SCAMP1: variants seen among roughly 807,000 people sequenced by gnomAD.
SCAMP1 encodes secretory carrier membrane protein 1, also known as secretory carrier-associated membrane protein 1.
Under a neutral mutation model 41.8 loss-of-function variants are expected in SCAMP1, and 15 were observed. The ratio of observed to expected loss-of-function variants is 0.36; its 90% CI spans 0.24 to 0.55. The LOEUF (loss-of-function observed/expected upper bound fraction) is 0.55, where lower values mean the gene tolerates loss of function less well. Among genes scored for constraint, SCAMP1 ranks in the 20% least tolerant of loss-of-function variants. SCAMP1 has a pLI of 0.86. For missense variants in SCAMP1, 341 were observed against 412.6 expected, an observed-to-expected ratio of 0.83 and a Z score of 1.50; for synonymous variants, 135 against 136.8, an observed-to-expected ratio of 0.99 and a Z score of 0.09.
chr5:78,392,998 C>G (rs1389411250), intron 2 of SCAMP1, among the ~76,000 whole-genome samples: 1 of 152,188 alleles, frequency 6.6e-6, no homozygotes, highest in African/African-American at 2.4e-5. Flanking sequence ...TACTTGAGGT[C>G]AAGAAGGAAG....
chr5:78,427,480 A>T (rs371772648), intron 6 of SCAMP1, among the ~76,000 whole-genome samples: 4 of 152,294 alleles, frequency 2.6e-5, no homozygotes, highest in South Asian at 4.1e-4. Context: ...AACAGCGTGT[A>T]CAAGTCTGTC....
At chr5:78,410,258 C>G (rs1752042462) in intron 2 of SCAMP1, among the ~76,000 whole-genome samples, 1 of 151,918 alleles carries the variant, frequency 6.6e-6, no homozygotes, top group African/African-American at 2.4e-5. Flanking sequence ...CATTCACTAA[C>G]TATTCTTCCT....
chr5:78,360,876 C>A, intron 1 of SCAMP1, 148 bp downstream of exon 1: 1 of 726,558 alleles, frequency 1.4e-6, no homozygotes, highest in South Asian at 1.7e-5. Flanking sequence ...CATTTGGGGT[C>A]GCGCCCCGGC....
rs528720263 is a variant in SCAMP1, at chr5:78,405,392, T to G, written c.136-10128T>G. On this transcript the variant is annotated intron_variant, in intron 2 of 8. Coordinates refer to ENST00000621999, the MANE Select transcript of SCAMP1 (RefSeq NM_004866.6). ...CATATTCCATGCATTCTCCTGACTT[T>G]GCACTGGTTGTCACCTCTGCTTAAA... Among the ~76,000 whole-genome samples the G allele has an allele frequency of 2.0e-5, 3 of 152,334 alleles. No individual in the cohort carries two copies. In the East Asian group the frequency reaches 5.8e-4, roughly 29 times the overall value.
intron 2 of SCAMP1, among the ~76,000 whole-genome samples, chr5:78,393,393 A>AGTG (rs1751567373): frequency 6.6e-6 from 1 of 152,122 alleles, no homozygotes. Context: ...GCTGGTCTCA[A>AGTG]ACTCCTGGCC....
At chr5:78,447,691 C>T (rs1753085782) in intron 6 of SCAMP1, among the ~76,000 whole-genome samples, 1 of 152,094 alleles carries the variant, frequency 6.6e-6, no homozygotes, top group Non-Finnish European at 1.5e-5. Context: ...TTGGCTTTGG[C>T]AGATTTCTCA....
Position 78,360,988 on chromosome 5 carries a change from C to T in SCAMP1, c.57+260C>T, listed in dbSNP as rs1221801392. ...CCCCGACTGGTGAGGGTCGTGTCTGCAGCCGGGACTGGGCCCGCGCGCCCG... is the reference window on the plus strand; with the variant it reads ...CCCCGACTGGTGAGGGTCGTGTCTGTAGCCGGGACTGGGCCCGCGCGCCCG... On this transcript the variant is annotated intron_variant, in intron 1 of 8. Coordinates refer to ENST00000621999, the MANE Select transcript of SCAMP1 (RefSeq NM_004866.6). 8.5e-5 allele frequency: 39 copies of T among 458,566 alleles called. No individual in the cohort carries two copies. The East Asian group carries it at 1.6e-3, about 18-fold the overall frequency. The allele number at this position is 458,566 out of a possible 1,614,324, so 28.4% of individuals were successfully genotyped here.
rs1195946709 is a variant in SCAMP1, at chr5:78,388,613, GA to G, written c.58-222del. On this transcript the variant is annotated intron_variant, in intron 1 of 8. Coordinates refer to ENST00000621999, the MANE Select transcript of SCAMP1 (RefSeq NM_004866.6). ...TGATGTAATAGCTTGCAGCTGATTTGAATCTAACTCAGTTTTTGTTTTCCTT... is the reference window on the plus strand; with the variant it reads ...TGATGTAATAGCTTGCAGCTGATTTGATCTAACTCAGTTTTTGTTTTCCTT... Among the ~76,000 whole-genome samples the G allele has an allele frequency of 3.3e-5, 5 of 152,158 alleles. No individual in the cohort carries two copies. In the East Asian group the frequency reaches 9.6e-4, roughly 29 times the overall value.
intron 2 of SCAMP1, among the ~76,000 whole-genome samples, chr5:78,400,928 T>C (rs1580666131): frequency 1.3e-5 from 2 of 152,294 alleles, no homozygotes; most frequent in East Asian, 3.9e-4. Context: ...TGATCTTAGC[T>C]GGAAAGCTTC....
chr5:78,451,063 T>A, intron 7 of SCAMP1, among the ~76,000 whole-genome samples: 1 of 152,192 alleles, frequency 6.6e-6, no homozygotes, highest in African/African-American at 2.4e-5. Context: ...CAGCACGAGG[T>A]TTTTTTAATT....
chr5:78,422,249 A>G (rs920136020), intron 6 of SCAMP1, among the ~76,000 whole-genome samples: 3 of 151,970 alleles, frequency 2.0e-5, no homozygotes, highest in Non-Finnish European at 4.4e-5. Flanking sequence ...TCCATATGTT[A>G]TACTTCAAGG....
At chr5:78,436,850 A>C (rs1405463838) in intron 6 of SCAMP1, among the ~76,000 whole-genome samples, 1 of 152,096 alleles carries the variant, frequency 6.6e-6, no homozygotes, top group Non-Finnish European at 1.5e-5. Flanking sequence ...TTCTTCCTAT[A>C]CATGGGCATG....
Position 78,458,499 on chromosome 5 carries a change from A to G in SCAMP1, c.735-746A>G, listed in dbSNP as rs367780358. 2.6e-5 allele frequency among the ~76,000 whole-genome samples: 4 copies of G among 152,274 alleles called. No individual in the cohort carries two copies. In the East Asian group the frequency reaches 5.8e-4, roughly 22 times the overall value. On this transcript the variant is annotated intron_variant, in intron 7 of 8. Coordinates refer to ENST00000621999, the MANE Select transcript of SCAMP1 (RefSeq NM_004866.6). ...TGTATTCTGTTGAGCTTTGAAAGTT[A>G]TGTATATTCTAGATGTGAATCCTTT... is the stretch of plus-strand genomic sequence containing the variant.
intron 2 of SCAMP1, among the ~76,000 whole-genome samples, chr5:78,409,048 G>A (rs1580671808): frequency 6.6e-6 from 1 of 152,002 alleles, no homozygotes; most frequent in South Asian, 2.1e-4. Flanking sequence ...CCACTGAAAC[G>A]GTCATTTTTT....
intron 2 of SCAMP1, among the ~76,000 whole-genome samples, chr5:78,391,275 C>T (rs1459886019): frequency 2.7e-4 from 39 of 144,420 alleles, no homozygotes; most frequent in African/African-American, 9.1e-4. Flanking sequence ...GCTGGCCGGG[C>T]GGGGGGCTGA....
chr5:78,439,463 T>G (rs1178041376), intron 6 of SCAMP1, among the ~76,000 whole-genome samples: 1 of 151,978 alleles, frequency 6.6e-6, no homozygotes, highest in Non-Finnish European at 1.5e-5. Flanking sequence ...TTATTTCTCC[T>G]TCACTTATGA....
chr5:78,423,016 GCACACACACA>G (rs57059961), intron 6 of SCAMP1, among the ~76,000 whole-genome samples: 3,055 of 33,384 alleles, frequency 0.092, 31 homozygotes, highest in Middle Eastern at 0.19. Flanking sequence ...ACGCGCGCGC[GCACACACACA>G]CACACACACA....
intron 8 of SCAMP1, among the ~76,000 whole-genome samples, chr5:78,469,901 AAAAAAAAAAAAC>A (rs1249208454): frequency 5.0e-4 from 19 of 37,742 alleles, no homozygotes; most frequent in African/African-American, 3.6e-3. Flanking sequence ...AAAAAAAAAA[AAAAAAAAAAAAC>A]AAAAAAAAAA....
At chr5:78,378,791 G>A (rs560843725) in intron 1 of SCAMP1, among the ~76,000 whole-genome samples, 1 of 152,278 alleles carries the variant, frequency 6.6e-6, no homozygotes, top group South Asian at 2.1e-4. Context: ...CTACTTAGAA[G>A]TTAATAAAAT....
Sources: allele counts gnomAD v4.1 joint callset (sites outside exome capture counted in the v4.1 genomes callset), GRCh38; gene constraint gnomAD v4.1.1; transcripts MANE v1.5; gene names NCBI Gene and HGNC (gene_info 2026-07-23, HGNC 2026-07-21).